Variants in RASD2 observed in about 807,000 individuals in gnomAD.
RASD2 encodes the protein RASD family member 2.
RASD2 carries 7 observed loss-of-function variants against 15.8 expected under a neutral mutation model. The ratio of observed to expected loss-of-function variants is 0.44; its 90% CI spans 0.25 to 0.83. The LOEUF (loss-of-function observed/expected upper bound fraction) is 0.83, where lower values mean the gene tolerates loss of function less well. Ranked by LOEUF, RASD2 falls within the 40% of genes least tolerant of loss-of-function variation. The pLI is 0.20. For synonymous variants in RASD2, 155 were observed against 153.6 expected (o/e 1.01, Z -0.07); for missense variants, 274 against 382.8 (o/e 0.72, Z 2.37).
At chr22:35,548,706 C>T (rs974228447) in intron 2 of RASD2, among the ~76,000 whole-genome samples, 10 of 152,238 alleles carry the variant, frequency 6.6e-5, no homozygotes, top group African/African-American at 2.4e-4. Context: ...GTTCTCCGCT[C>T]CACCCCGAGT....
upstream of RASD2, among the ~76,000 whole-genome samples, chr22:35,538,220 T>C (rs1002190729): frequency 1.6e-4 from 25 of 152,204 alleles, no homozygotes; most frequent in African/African-American, 4.6e-4. Context: ...GATCCTCCCA[T>C]CTTGGCCTCC....
At chr22:35,542,250 G>A (rs1018011907) in intron 1 of RASD2, among the ~76,000 whole-genome samples, 2 of 152,176 alleles carry the variant, frequency 1.3e-5, no homozygotes, top group African/African-American at 2.4e-5. Flanking sequence ...CAAGACCTGC[G>A]CCTGCATTCC....
intron 1 of RASD2, among the ~76,000 whole-genome samples, chr22:35,542,066 G>T (rs1258696022): frequency 1.3e-5 from 2 of 152,210 alleles, no homozygotes; most frequent in Non-Finnish European, 2.9e-5. Context: ...CCGGAAGGCA[G>T]CTCTGGAGGC....
chr22:35,542,046 C>T, intron 1 of RASD2, among the ~76,000 whole-genome samples: 1 of 152,184 alleles, frequency 6.6e-6, no homozygotes. Context: ...ACTTAGCTGT[C>T]TTGGAGGGCC....
At chr22:35,550,391 A>G (rs988957168) in intron 2 of RASD2, among the ~76,000 whole-genome samples, 1 of 150,086 alleles carries the variant, frequency 6.7e-6, no homozygotes, top group Non-Finnish European at 1.5e-5. Flanking sequence ...CAGTGAGCCA[A>G]GATCACACCA....
rs1186143452 is a variant in RASD2 at position 35,541,288 on chromosome 22, A to G, written c.-222A>G. ...GGGCCCCGCCGAGCCCTCGGAGCCC[A>G]CCCATGGGGCACCTGCCCCTTGCGC... On this transcript the variant is annotated 5_prime_UTR_variant, in exon 1 of 3. Transcript: ENST00000216127. 3 of 151,682 alleles carry G rather than the reference A, an allele frequency of 2.0e-5. No individual in the cohort carries two copies. The highest frequency in any genetic ancestry group is 4.4e-5 in the Non-Finnish European group (3 of 67,946). 9.4% of individuals were successfully genotyped at this position (151,682 alleles called of 1,614,324 possible). A position where few individuals can be genotyped will look rare whatever the true frequency, so the allele number is the denominator to read the frequency against.
At chr22:35,545,910 A>G (rs1934489335) in intron 1 of RASD2, among the ~76,000 whole-genome samples, 1 of 152,096 alleles carries the variant, frequency 6.6e-6, no homozygotes, top group African/African-American at 2.4e-5. Flanking sequence ...GTTTGCTTAT[A>G]CAAGAGCTTG....
At chr22:35,545,133 G>A (rs1044543370) in intron 1 of RASD2, among the ~76,000 whole-genome samples, 4 of 152,180 alleles carry the variant, frequency 2.6e-5, no homozygotes, top group Non-Finnish European at 5.9e-5. Flanking sequence ...CATGGAAATT[G>A]GCAATAGGGC....
intron 2 of RASD2, among the ~76,000 whole-genome samples, chr22:35,549,810 G>T (rs1281451056): frequency 1.3e-5 from 2 of 152,202 alleles, no homozygotes; most frequent in African/African-American, 4.8e-5. Context: ...TAAATGATGT[G>T]CTCTGGGGGT....
At chr22:35,538,252 G>C (rs537944194), upstream of RASD2, among the ~76,000 whole-genome samples, 2 of 152,128 alleles carry the variant, frequency 1.3e-5, no homozygotes, top group African/African-American at 4.8e-5. Flanking sequence ...GATTATAGGC[G>C]TGAGCCACCA....
chr22:35,552,539 C>G lies in RASD2; in HGVS notation c.*507C>G, dbSNP rs1400273910. The G allele has an allele frequency of 6.4e-6, 1 of 155,314 alleles. No homozygotes were observed. Among genetic ancestry groups the G allele is most frequent in the Non-Finnish European group, 1.4e-5 (1 of 70,410 alleles). The allele number at this position is 155,314 out of a possible 1,614,324, so 9.6% of individuals were successfully genotyped here. A position where few individuals can be genotyped will look rare whatever the true frequency, so the allele number is the denominator to read the frequency against. On this transcript the variant is annotated 3_prime_UTR_variant, in exon 3 of 3. Coordinates refer to ENST00000216127, the MANE Select transcript of RASD2 (RefSeq NM_014310.4). ...GTTCAGCTGCCTCTGCACCCCCTCC[C>G]ACCCCCAGCACACACACAAGTTGGC...
chr22:35,535,404 C>CA, the RASD2 span, among the ~76,000 whole-genome samples: 7,107 of 135,152 alleles, frequency 0.053, 237 homozygotes, highest in African/African-American at 0.096. Flanking sequence ...ACCCTGTCTC[C>CA]AAAAAAAAAA....
chr22:35,549,595 A>G (rs202150815), intron 2 of RASD2, among the ~76,000 whole-genome samples: 3 of 152,150 alleles, frequency 2.0e-5, no homozygotes, highest in East Asian at 1.9e-4. Context: ...GCTGCCTCGC[A>G]AGTGCCTTTC....
rs373015554 is a variant in RASD2, at chr22:35,551,699, C to T, written c.468C>T (p.Ala156=). Residue 156 remains alanine, a synonymous_variant, in exon 3 of 3, where the codon GCC becomes GCT. Transcript: ENST00000216127. This position sits in a 1 kb window ranked among gnomAD's most constrained non-coding sequence, Gnocchi z 4.9. ...GCCGCCAGGTGCCCACCACCGAGGC[C>T]GAGCTGCTGGTGTCGGGCGACGAGA... ...ELCRQVPTTE[A]ELLVSGDENC... The T allele has an allele frequency of 6.2e-5, 100 of 1,613,826 alleles. No individual in the cohort carries two copies. The Middle Eastern group carries it at 6.6e-4, about 11-fold the overall frequency.
the RASD2 span, among the ~76,000 whole-genome samples, chr22:35,533,237 C>T: frequency 6.6e-6 from 1 of 152,244 alleles, no homozygotes; most frequent in Non-Finnish European, 1.5e-5. Flanking sequence ...TTCTCTCCCA[C>T]ATAATAGTTT....
chr22:35,534,772 C>A, the RASD2 span, among the ~76,000 whole-genome samples: 3 of 152,186 alleles, frequency 2.0e-5, no homozygotes, highest in Non-Finnish European at 4.4e-5. Flanking sequence ...GAGAGCTTTC[C>A]CTCAAAGCTG....
Position 35,551,551 on chromosome 22 carries a change from A to G in RASD2, c.320A>G (p.Asp107Gly), listed in dbSNP as rs1223737907. ...VFSLDNRESF[D>G]EVKRLQKQIL... ...AGCCTGGATAACCGGGAGTCCTTCG[A>G]TGAGGTCAAGCGCCTTCAGAAGCAG... The change falls in exon 3 of 3, where the codon GAT (aspartate) becomes GGT (glycine). Residue 107 changes from aspartate (D) to glycine (G), a missense_variant. Transcript: ENST00000216127. This position sits in a 1 kb window ranked among gnomAD's most constrained non-coding sequence, Gnocchi z 4.9. 1 of 1,613,658 alleles carries G rather than the reference A, an allele frequency of 6.2e-7. No homozygotes were observed. Among genetic ancestry groups the G allele is most frequent in the African/African-American group, 1.3e-5 (1 of 74,880 alleles).
chr22:35,535,562 C>A, the RASD2 span, among the ~76,000 whole-genome samples: 1 of 152,136 alleles, frequency 6.6e-6, no homozygotes, highest in African/African-American at 2.4e-5. Flanking sequence ...TGTAAGGCAG[C>A]TCCATGGAGC....
Position 35,553,261 on chromosome 22 carries a change from G to A in RASD2, c.*1229G>A, listed in dbSNP as rs1166075198. 6.6e-6 allele frequency: 1 copy of A among 152,396 alleles called. No individual in the cohort carries two copies. The highest frequency in any genetic ancestry group is 1.5e-5 in the Non-Finnish European group (1 of 68,072). The allele number at this position is 152,396 out of a possible 1,614,324, so 9.4% of individuals were successfully genotyped here. A position where few individuals can be genotyped will look rare whatever the true frequency, so the allele number is the denominator to read the frequency against. ...GGTGGGGAGGCGGGGAGGAGCAGCT[G>A]GGACCCAGAACTGAGCCTGGGAGGG... On this transcript the variant is annotated 3_prime_UTR_variant, in exon 3 of 3. Transcript: ENST00000216127.
Sources: gnomAD v4.1 joint callset for allele counts (sites outside exome capture counted in the v4.1 genomes callset) on GRCh38, gnomAD v4.1.1 for gene constraint, Gnocchi (gnomAD v3.1) non-coding constraint, MANE v1.5 for transcripts, NCBI Gene and HGNC (gene_info 2026-07-23, HGNC 2026-07-21) for gene names.